The following EZH2 variants were observed in gnomAD, a reference collection of about 807,000 sequenced individuals.
EZH2 encodes the protein histone-lysine N-methyltransferase EZH2.
EZH2 carries 18 observed loss-of-function variants against 98.4 expected under a neutral mutation model. The ratio of observed to expected loss-of-function variants is 0.18; its 90% CI spans 0.13 to 0.27. The LOEUF (loss-of-function observed/expected upper bound fraction) is 0.27. Among genes scored for constraint, EZH2 ranks in the 10% least tolerant of loss-of-function variants. The probability of loss-of-function intolerance (pLI) is 1.00; values close to 1 mark genes in which losing one functional copy is unlikely to be tolerated. For missense variants in EZH2, 470 were observed against 935.1 expected, an observed-to-expected ratio of 0.50 and a Z score of 6.49; for synonymous variants, 338 against 312.3, an observed-to-expected ratio of 1.08 and a Z score of -0.87.
At position 148,810,424 on chromosome 7, in the gene EZH2, A is replaced by G; in HGVS notation, c.1948-10T>C. The G allele has an allele frequency of 1.3e-6, 2 of 1,593,808 alleles. No homozygotes were observed. The highest frequency in any genetic ancestry group is 2.2e-5 in the East Asian group (1 of 44,704). ...CATCTTGAGAAATAATCTAAAAAGA[A>G]AGACACAGGAGAAAATTCTTTTGGA... is the stretch of plus-strand genomic sequence containing the variant. On this transcript the variant is annotated splice_polypyrimidine_tract_variant and intron_variant, in intron 16 of 19. Transcript: ENST00000320356.
In EZH2 at chr7:148,817,913, CTTCTTT is replaced by C. The variant is rs756400659; in HGVS notation, c.1198_1203del (p.Lys400_Glu401del). 9 of 1,614,048 alleles carry C rather than the reference CTTCTTT, an allele frequency of 5.6e-6. No individual in the cohort carries two copies. Among genetic ancestry groups the C allele is most frequent in the Non-Finnish European group, 5.9e-6 (7 of 1,180,024 alleles). ...GAAGTTTCATCTTTCTTCTCTTCTT[CTTCTTT>C]ATCATTGTTCTCTCCCCCCGTTTCA... On this transcript the variant is annotated inframe_deletion, in exon 10 of 20. Coordinates refer to ENST00000320356, the MANE Select transcript of EZH2 (RefSeq NM_004456.5).
intron 2 of EZH2, among the ~76,000 whole-genome samples, 153 bp from the exon 3 acceptor site, chr7:148,846,751 C>A (rs1052150633): frequency 6.6e-6 from 1 of 152,038 alleles, no homozygotes; most frequent in African/African-American, 2.4e-5. Context: ...TAGTTTCCCA[C>A]ATTCAAATAA....
intron 1 of EZH2, among the ~76,000 whole-genome samples, chr7:148,874,173 C>G (rs1819861468): frequency 6.6e-6 from 1 of 152,154 alleles, no homozygotes; most frequent in African/African-American, 2.4e-5. Context: ...ATCGCTTGAG[C>G]TCAGGAATCT....
intron 6 of EZH2, among the ~76,000 whole-genome samples, chr7:148,828,249 T>A (rs1267959303): frequency 6.6e-6 from 1 of 152,238 alleles, no homozygotes; most frequent in Non-Finnish European, 1.5e-5. Context: ...ATTATAATGA[T>A]GCCCAGTGAA....
intron 11 of EZH2, 25 bp from the exon 12 acceptor site, chr7:148,816,803 C>T (rs200753763): frequency 9.0e-6 from 14 of 1,557,498 alleles, no homozygotes; most frequent in Non-Finnish European, 1.2e-5. Context: ...AGTCACAGAG[C>T]CATGAGGACA....
chr7:148,825,879 A>T (rs768405019), intron 8 of EZH2, among the ~76,000 whole-genome samples: 13 of 152,346 alleles, frequency 8.5e-5, no homozygotes, highest in Middle Eastern at 6.8e-3. Flanking sequence ...AATTACCAGG[A>T]AAATTTACTA....
intron 1 of EZH2, among the ~76,000 whole-genome samples, chr7:148,865,665 G>A (rs1377263773): frequency 6.6e-6 from 1 of 152,146 alleles, no homozygotes; most frequent in Non-Finnish European, 1.5e-5. Flanking sequence ...TTGTGGTAAG[G>A]CATCTTCCCA....
intron 1 of EZH2, among the ~76,000 whole-genome samples, chr7:148,882,106 A>AC (rs1821090418): frequency 6.6e-6 from 1 of 152,166 alleles, no homozygotes; most frequent in Non-Finnish European, 1.5e-5. Flanking sequence ...AATTAATAGT[A>AC]ACTAATATAA....
chr7:148,839,527 TGG>T (rs35484227), intron 3 of EZH2, among the ~76,000 whole-genome samples: 48 of 134,338 alleles, frequency 3.6e-4, no homozygotes, highest in African/African-American at 8.9e-4. Flanking sequence ...AACATCAAAA[TGG>T]GGGGGGGGCA....
chr7:148,869,152 C>G (rs1488278745), intron 1 of EZH2, among the ~76,000 whole-genome samples: 2 of 145,348 alleles, frequency 1.4e-5, no homozygotes, highest in African/African-American at 2.8e-5. Context: ...ATGAATTGAC[C>G]AACTTGATAA....
rs1399247963 is a variant in EZH2 at position 148,816,783 on chromosome 7, C to T, written c.1411-5G>A. On this transcript the variant is annotated splice_polypyrimidine_tract_variant and splice_region_variant and intron_variant, in intron 11 of 19. Transcript: ENST00000320356. ...TTTGACTCTAAACTCATACACCTGA[C>T]AAGAGGCACAGTCACAGAGCCATGA... The T allele has an allele frequency of 1.2e-6, 2 of 1,608,528 alleles. No individual in the cohort carries two copies. The highest frequency in any genetic ancestry group is 1.1e-5 in the South Asian group (1 of 90,964).
At position 148,812,821 on chromosome 7, in the gene EZH2, T is replaced by C. The variant is rs142646524; in HGVS notation, c.1852-1101A>G. Reference sequence around the variant, plus strand: ...ACTGCCTAGAGTAAAATCATCTAAATGTCTAACAGAAAAGAAAAAAGTCAA... The same window carrying C: ...ACTGCCTAGAGTAAAATCATCTAAACGTCTAACAGAAAAGAAAAAAGTCAA... On this transcript the variant is annotated intron_variant, in intron 15 of 19. Coordinates refer to ENST00000320356, the MANE Select transcript of EZH2 (RefSeq NM_004456.5). 3.6e-3 allele frequency among the ~76,000 whole-genome samples: 549 copies of C among 152,172 alleles called. 2 individuals are homozygous for C. Among genetic ancestry groups the C allele is most frequent in the African/African-American group, 0.012 (518 of 41,504 alleles).
At chr7:148,809,457 AT>A in intron 17 of EZH2, 67 bp from the exon 18 acceptor site, 1 of 1,283,828 alleles carries the variant, frequency 7.8e-7, no homozygotes, top group Non-Finnish European at 1.1e-6. Context: ...AGTTATTATG[AT>A]TTTGTAAATG....
intron 1 of EZH2, among the ~76,000 whole-genome samples, chr7:148,870,910 C>A (rs1819270209): frequency 6.8e-6 from 1 of 147,452 alleles, no homozygotes; most frequent in Non-Finnish European, 1.5e-5. Context: ...GCCTGGATGA[C>A]ACAGCGAGAC....
intron 3 of EZH2, among the ~76,000 whole-genome samples, chr7:148,839,715 T>A (rs1349088293): frequency 1.3e-5 from 2 of 152,102 alleles, no homozygotes; most frequent in Non-Finnish European, 2.9e-5. Context: ...CAGCTAATTT[T>A]TTTGTATTTT....
At chr7:148,841,155 A>G (rs549081066) in intron 3 of EZH2, among the ~76,000 whole-genome samples, 42 of 152,194 alleles carry the variant, frequency 2.8e-4, no homozygotes, top group African/African-American at 1.0e-3. Context: ...ATATGATGCT[A>G]TATGAACTCA....
chr7:148,835,646 TA>T (rs996640122), intron 3 of EZH2, among the ~76,000 whole-genome samples: 77 of 147,082 alleles, frequency 5.2e-4, no homozygotes, highest in African/African-American at 1.0e-3. Context: ...TTTCATTTCT[TA>T]AAAAAAAAAA....
chr7:148,862,268 T>G (rs990287475), intron 1 of EZH2, among the ~76,000 whole-genome samples: 2 of 152,212 alleles, frequency 1.3e-5, no homozygotes, highest in Non-Finnish European at 2.9e-5. Context: ...GGCACAATGT[T>G]ATAAATCATC....
intron 15 of EZH2, among the ~76,000 whole-genome samples, chr7:148,812,508 T>C (rs1470230237): frequency 6.6e-6 from 1 of 152,206 alleles, no homozygotes; most frequent in Admixed American, 6.5e-5. Context: ...TCATGTGAAC[T>C]TCCCAAATAG....
Sources: allele counts gnomAD v4.1 joint callset (sites outside exome capture counted in the v4.1 genomes callset), GRCh38; gene constraint gnomAD v4.1.1; transcripts MANE v1.5; gene names NCBI Gene and HGNC (gene_info 2026-07-23, HGNC 2026-07-21).